The following HDC variants were observed in gnomAD, a reference collection of about 807,000 sequenced individuals.
HDC encodes histidine decarboxylase.
Under a neutral mutation model 64.4 loss-of-function variants are expected in HDC, and 27 were observed. That is an observed-to-expected ratio of 0.42 (90% CI 0.31 to 0.58). HDC has a LOEUF of 0.58. Ranked by LOEUF, HDC falls within the 20% of genes least tolerant of loss-of-function variation. The probability of loss-of-function intolerance (pLI) is 0.16; values close to 1 mark genes in which losing one functional copy is unlikely to be tolerated. For missense variants in HDC, 711 were observed against 833.9 expected (o/e 0.85, Z 1.81); for synonymous variants, 305 against 314.2 (o/e 0.97, Z 0.31).
At chr15:50,253,695 A>G (rs1215267575) in intron 6 of HDC, 29 bp from the exon 7 acceptor site, 1 of 1,593,834 alleles carries the variant, frequency 6.3e-7, no homozygotes, top group Admixed American at 1.7e-5. Flanking sequence ...AAGTTAACAC[A>G]GGAGGGTGGG....
intron 4 of HDC, among the ~76,000 whole-genome samples, chr15:50,255,779 G>C (rs1264673464): frequency 6.6e-6 from 1 of 152,210 alleles, no homozygotes; most frequent in East Asian, 1.9e-4. Context: ...CAGCCTGGGA[G>C]ACAGAACCAG....
chr15:50,262,424 T>C (rs573809427), intron 2 of HDC, among the ~76,000 whole-genome samples: 1 of 152,280 alleles, frequency 6.6e-6, no homozygotes, highest in South Asian at 2.1e-4. Flanking sequence ...AGCTGGCACA[T>C]GGCAGGGAGC....
chr15:50,249,711 G>T (rs909844154), intron 9 of HDC, among the ~76,000 whole-genome samples: 1 of 152,212 alleles, frequency 6.6e-6, no homozygotes, highest in East Asian at 1.9e-4. Context: ...GGATGATAGG[G>T]ATCATCTGTC....
intron 3 of HDC, among the ~76,000 whole-genome samples, chr15:50,258,147 T>TA (rs1567454390): frequency 6.6e-6 from 1 of 152,206 alleles, no homozygotes; most frequent in Non-Finnish European, 1.5e-5. Flanking sequence ...TGTGTCTCTA[T>TA]GAGCTGTGTG....
Position 50,263,412 on chromosome 15 carries a change from A to G in HDC, c.32-5T>C, listed in dbSNP as rs2045730557. On this transcript the variant is annotated splice_polypyrimidine_tract_variant and splice_region_variant and intron_variant, in intron 1 of 11. Transcript: ENST00000267845. Reference sequence around the variant, plus strand: ...TGTAATCCACCATCTCTCTCCCTAGAAGTGACATAGAGAAATCAGGCTGAA... The same window carrying G: ...TGTAATCCACCATCTCTCTCCCTAGGAGTGACATAGAGAAATCAGGCTGAA... 1 of 1,613,890 alleles carries G rather than the reference A, an allele frequency of 6.2e-7. No individual in the cohort carries two copies. Among genetic ancestry groups the G allele is most frequent in the South Asian group, 1.1e-5 (1 of 91,076 alleles).
At chr15:50,254,500 C>G in intron 5 of HDC, 30 bp downstream of exon 5, 1 of 1,614,048 alleles carries the variant, frequency 6.2e-7, no homozygotes, top group Non-Finnish European at 8.5e-7. Context: ...AGCACCAACC[C>G]GAAGGGCTGT....
Position 50,254,365 on chromosome 15 carries a change from A to G in HDC, c.577-92T>C, listed in dbSNP as rs1048737166. ...GAAGCCTAAGACTCGGGAACCAAAT[A>G]TGATCATTGGAAGCTTGTCTTCCCT... On this transcript the variant is annotated intron_variant, in intron 5 of 11. Coordinates refer to ENST00000267845, the MANE Select transcript of HDC (RefSeq NM_002112.4). The G allele has an allele frequency of 4.5e-6, 7 of 1,553,638 alleles. No homozygotes were observed. In the African/African-American group the frequency reaches 9.5e-5, roughly 21 times the overall value.
In HDC at chr15:50,243,202, C is replaced by G. The variant is rs368925670; in HGVS notation, c.1183G>C (p.Asp395His). 3.7e-6 allele frequency: 6 copies of G among 1,613,852 alleles called. No individual in the cohort carries two copies. The highest frequency in any genetic ancestry group is 1.1e-5 in the South Asian group (1 of 91,036). Residue 395 changes from aspartate (D) to histidine (H), a missense_variant, in exon 11 of 12, where the codon GAC (aspartate) becomes CAC (histidine). Transcript: ENST00000267845. ...TTGGCAGGAATTTCAAAGGAAGGGT[C>G]GTTTCTGACCAGAGATTCAAAATAT... ...AKYFESLVRN[D>H]PSFEIPAKRH...
chr15:50,265,375 G>A (rs931053427), intron 1 of HDC, among the ~76,000 whole-genome samples: 2 of 152,024 alleles, frequency 1.3e-5, no homozygotes, highest in Non-Finnish European at 2.9e-5. Flanking sequence ...ATGTGAGAGT[G>A]GGTATATGAG....
chr15:50,242,714 G>GCC lies in HDC; in HGVS notation c.1533_1534dup (p.Ala512GlyfsTer24). 6.2e-7 allele frequency: 1 copy of GCC among 1,614,018 alleles called. No homozygotes were observed. The highest frequency in any genetic ancestry group is 8.5e-7 in the Non-Finnish European group (1 of 1,179,992). On this transcript the variant is annotated frameshift_variant, in exon 12 of 12. Transcript: ENST00000267845. LOFTEE classifies it high-confidence loss of function. ...CCTGGCCTGGACTGGATCATCTCCT[G>GCC]CCCCACTGACAGACTGAAGGGACGT...
chr15:50,262,918 C>T (rs2045722843), intron 2 of HDC, among the ~76,000 whole-genome samples: 2 of 151,084 alleles, frequency 1.3e-5, no homozygotes, highest in South Asian at 4.2e-4. Context: ...AAAATGTTCA[C>T]TTCTCCACCC....
At position 50,248,142 on chromosome 15, in the gene HDC, A is replaced by AC. The variant is rs1421726207; in HGVS notation, c.1140+102dup. ...ACAGGCCCAGACACCTGAACCACACACCGCAAGTCTCCTAGGCAGATCTGC... is the reference window on the plus strand; with the variant it reads ...ACAGGCCCAGACACCTGAACCACACACCCGCAAGTCTCCTAGGCAGATCTGC... On this transcript the variant is annotated intron_variant, in intron 10 of 11. Coordinates refer to ENST00000267845, the MANE Select transcript of HDC (RefSeq NM_002112.4). The surrounding 1 kb of genome is among the most constrained non-coding windows in gnomAD (Gnocchi z 4.3). 2.5e-6 allele frequency: 2 copies of AC among 789,662 alleles called. No individual in the cohort carries two copies. The highest frequency in any genetic ancestry group is 4.4e-6 in the Non-Finnish European group (2 of 454,762). The allele number at this position is 789,662 out of a possible 1,614,324, so 48.9% of individuals were successfully genotyped here. A position where few individuals can be genotyped will look rare whatever the true frequency, so the allele number is the denominator to read the frequency against.
intron 7 of HDC, 116 bp from the exon 8 acceptor site, chr15:50,252,890 A>C: frequency 3.6e-5 from 38 of 1,048,288 alleles, no homozygotes; most frequent in East Asian, 5.3e-5. Context: ...CTAAATGAGA[A>C]ACGGAGGGGT....
chr15:50,253,037 C>G, intron 7 of HDC: 1 of 540,568 alleles, frequency 1.8e-6, no homozygotes, highest in South Asian at 2.0e-5. Flanking sequence ...CCCTCTTGGC[C>G]TCAGCCTAGA....
intron 9 of HDC, among the ~76,000 whole-genome samples, chr15:50,249,651 A>G (rs1378964422): frequency 6.6e-6 from 1 of 152,238 alleles, no homozygotes; most frequent in East Asian, 1.9e-4. Flanking sequence ...TAACAAGGAA[A>G]GTGTCAACTC....
intron 7 of HDC, chr15:50,253,327 T>C (rs2045583037): frequency 3.8e-6 from 2 of 523,154 alleles, no homozygotes; most frequent in Non-Finnish European, 6.9e-6. Context: ...AACATACAAG[T>C]AAGAGGATGA....
intron 2 of HDC, among the ~76,000 whole-genome samples, chr15:50,261,068 T>C (rs2045697089): frequency 6.6e-6 from 1 of 152,164 alleles, no homozygotes; most frequent in Non-Finnish European, 1.5e-5. Flanking sequence ...TTGACCATCA[T>C]TATCACTGTC....
At chr15:50,260,641 C>G (rs1454833868) in intron 2 of HDC, among the ~76,000 whole-genome samples, 1 of 152,230 alleles carries the variant, frequency 6.6e-6, no homozygotes, top group Admixed American at 6.5e-5. Context: ...GCTCTCCAAG[C>G]CTTCTCTTAC....
intron 3 of HDC, among the ~76,000 whole-genome samples, chr15:50,258,053 G>A (rs2045655277): frequency 6.6e-6 from 1 of 152,180 alleles, no homozygotes; most frequent in Non-Finnish European, 1.5e-5. Flanking sequence ...AGAGCACAGA[G>A]GAAGTGGTGA....
Sources: gnomAD v4.1 joint callset for allele counts (sites outside exome capture counted in the v4.1 genomes callset) on GRCh38, gnomAD v4.1.1 for gene constraint, Gnocchi (gnomAD v3.1) non-coding constraint, MANE v1.5 for transcripts, NCBI Gene and HGNC (gene_info 2026-07-23, HGNC 2026-07-21) for gene names.